Variants in CDH13 observed in about 807,000 individuals in gnomAD.
CDH13 encodes the protein cadherin-13.
In CDH13, 24 loss-of-function variants were observed where a neutral mutation model predicts 63.8. That is an observed-to-expected ratio of 0.38 (90% CI 0.27 to 0.53). The LOEUF is 0.53. Among genes scored for constraint, CDH13 ranks in the 20% least tolerant of loss-of-function variants. CDH13 has a pLI of 0.85. For missense variants in CDH13, 1,049 were observed against 903.1 expected (o/e 1.16, Z -2.07); for synonymous variants, 503 against 355.3 (o/e 1.42, Z -4.67).
chr16:83,772,707 A>G (rs538938112), intron 11 of CDH13: 1 of 152,260 alleles, frequency 6.6e-6, no homozygotes, highest in Admixed American at 6.5e-5. Context: ...GTGTGACATG[A>G]CCATTCTTAT....
chr16:82,804,883 A>C (rs1027407143), intron 1 of CDH13, among the ~76,000 whole-genome samples: 3 of 152,184 alleles, frequency 2.0e-5, no homozygotes, highest in African/African-American at 4.8e-5. Context: ...AGAATGTTCA[A>C]ATTCCCTCAG....
chr16:83,596,342 C>G, intron 7 of CDH13, among the ~76,000 whole-genome samples: 1 of 152,116 alleles, frequency 6.6e-6, no homozygotes, highest in East Asian at 1.9e-4. Context: ...CGGGGTTTAC[C>G]CTACATTCCT....
intron 4 of CDH13, among the ~76,000 whole-genome samples, chr16:83,216,341 C>T (rs1205575834): frequency 7.4e-6 from 1 of 135,734 alleles, no homozygotes; most frequent in South Asian, 2.4e-4. Flanking sequence ...CTCATTCTAT[C>T]TCAGTGGTTT....
chr16:82,794,305 T>C, intron 1 of CDH13, among the ~76,000 whole-genome samples: 1 of 149,550 alleles, frequency 6.7e-6, no homozygotes, highest in Non-Finnish European at 1.5e-5. Flanking sequence ...TTAAATCCTC[T>C]CTACAAACTC....
intron 1 of CDH13, among the ~76,000 whole-genome samples, chr16:82,661,747 C>G (rs769699978): frequency 1.3e-5 from 2 of 152,224 alleles, no homozygotes; most frequent in East Asian, 1.9e-4. Flanking sequence ...GCAGAGAACA[C>G]GGAGTATTGG....
intron 6 of CDH13, among the ~76,000 whole-genome samples, chr16:83,469,759 T>C (rs548407127): frequency 3.9e-5 from 6 of 152,302 alleles, no homozygotes; most frequent in African/African-American, 1.4e-4. Context: ...ATAAAATGCA[T>C]TGTTTGCAAC....
At chr16:83,252,286 TTTTA>T (rs1373422080) in intron 5 of CDH13, among the ~76,000 whole-genome samples, 4 of 151,020 alleles carry the variant, frequency 2.6e-5, no homozygotes, top group East Asian at 1.9e-4. Flanking sequence ...TTTTTTTCAT[TTTTA>T]TTTATTTATT....
intron 8 of CDH13, among the ~76,000 whole-genome samples, chr16:83,627,018 C>T (rs1474363677): frequency 2.0e-5 from 3 of 151,960 alleles, no homozygotes; most frequent in Admixed American, 6.6e-5. Flanking sequence ...CGTTGTGGCT[C>T]ATGCCTGTAA....
chr16:82,854,610 C>G (rs780142513), intron 1 of CDH13, among the ~76,000 whole-genome samples: 2 of 152,086 alleles, frequency 1.3e-5, no homozygotes, highest in Non-Finnish European at 2.9e-5. Context: ...GAAGAGTGTG[C>G]TGGTTTAAAA....
At chr16:83,030,117 C>A (rs911524922) in intron 2 of CDH13, among the ~76,000 whole-genome samples, 8 of 152,138 alleles carry the variant, frequency 5.3e-5, no homozygotes, top group African/African-American at 1.9e-4. Context: ...TTTGTTCATG[C>A]AGGGGGCCCA....
chr16:83,095,679 G>T (rs62035110), intron 3 of CDH13, among the ~76,000 whole-genome samples: 1 of 152,126 alleles, frequency 6.6e-6, no homozygotes, highest in Middle Eastern at 3.4e-3. Flanking sequence ...TGAAGTGACC[G>T]GTACAACCTA....
chr16:83,614,766 T>A (rs1909148657), intron 8 of CDH13, among the ~76,000 whole-genome samples: 1 of 152,182 alleles, frequency 6.6e-6, no homozygotes, highest in Admixed American at 6.5e-5. Context: ...TCAGTAGACA[T>A]GGTGCGGATA....
At chr16:83,221,801 G>T (rs1257595314) in intron 5 of CDH13, among the ~76,000 whole-genome samples, 1 of 152,020 alleles carries the variant, frequency 6.6e-6, no homozygotes, top group African/African-American at 2.4e-5. Context: ...CAGATAACTG[G>T]GAATGTCAGA....
At position 83,419,924 on chromosome 16, in the gene CDH13, T is replaced by G. The variant is rs966000601; in HGVS notation, c.782-66553T>G. On this transcript the variant is annotated intron_variant, in intron 6 of 13. Transcript: ENST00000567109. ...TCTGAATCGTCCAATCTTTTTTTTT[T>G]TTTAAAAAAAAGTTTTGTATGTATG... Among the ~76,000 whole-genome samples the G allele has an allele frequency of 5.4e-5, 6 of 110,886 alleles. No homozygotes were observed. In the Admixed American group the frequency reaches 5.6e-4, roughly 10 times the overall value. 72.7% of individuals were successfully genotyped at this position (110,886 alleles called of 152,430 possible).
At chr16:83,474,205 A>G (rs1237124534) in intron 6 of CDH13, among the ~76,000 whole-genome samples, 1 of 152,074 alleles carries the variant, frequency 6.6e-6, no homozygotes, top group Non-Finnish European at 1.5e-5. Flanking sequence ...CCTCCATGGA[A>G]TTACTGCAAA....
chr16:83,038,778 A>G (rs1917086719), intron 3 of CDH13, among the ~76,000 whole-genome samples: 1 of 152,204 alleles, frequency 6.6e-6, no homozygotes, highest in Non-Finnish European at 1.5e-5. Context: ...GGATTCAACA[A>G]CTTCATTTTC....
intron 4 of CDH13, among the ~76,000 whole-genome samples, chr16:83,177,584 T>A (rs992379732): frequency 6.6e-6 from 1 of 152,184 alleles, no homozygotes; most frequent in African/African-American, 2.4e-5. Flanking sequence ...GCACTTAATA[T>A]TAGTGCCTAG....
intron 5 of CDH13, among the ~76,000 whole-genome samples, chr16:83,276,891 T>C (rs777162110): frequency 1.3e-5 from 2 of 152,064 alleles, no homozygotes; most frequent in Non-Finnish European, 2.9e-5. Flanking sequence ...AACAAAAGCA[T>C]GTCACATCTT....
At chr16:82,648,655 T>A (rs762427088) in intron 1 of CDH13, among the ~76,000 whole-genome samples, 24 of 152,208 alleles carry the variant, frequency 1.6e-4, no homozygotes, top group African/African-American at 5.8e-4. Context: ...GCAATTTTGT[T>A]CATGCGTTGG....
Sources: allele counts gnomAD v4.1 joint callset (sites outside exome capture counted in the v4.1 genomes callset), GRCh38; gene constraint gnomAD v4.1.1; transcripts MANE v1.5; gene names NCBI Gene and HGNC (gene_info 2026-07-23, HGNC 2026-07-21).